Variants in APBB1IP observed in about 807,000 individuals in gnomAD.
APBB1IP encodes amyloid beta precursor protein binding family B member 1 interacting protein.
A neutral mutation model predicts 64.9 loss-of-function variants in APBB1IP; 27 were observed. That is an observed-to-expected ratio of 0.42 (90% confidence interval 0.31 to 0.57). APBB1IP has a LOEUF of 0.57. APBB1IP is among the 20% of genes least tolerant of loss of function. The pLI, the probability that APBB1IP is intolerant of heterozygous loss-of-function variation, is 0.20. For missense variants in APBB1IP, 812 were observed against 845.5 expected (o/e 0.96, Z 0.49); for synonymous variants, 392 against 331.0 (o/e 1.18, Z -2.00).
intron 2 of APBB1IP, among the ~76,000 whole-genome samples, chr10:26,472,091 G>A (rs1451152811): frequency 2.0e-5 from 3 of 152,126 alleles, no homozygotes; most frequent in African/African-American, 7.2e-5. Flanking sequence ...ACCAAGATGG[G>A]TGGGGGCTGC....
At chr10:26,550,574 C>G (rs959740615) in intron 11 of APBB1IP, among the ~76,000 whole-genome samples, 3 of 151,948 alleles carry the variant, frequency 2.0e-5, no homozygotes, top group African/African-American at 7.3e-5. Flanking sequence ...GTTTGTTATA[C>G]TTTTCAGCTC....
chr10:26,503,757 G>A (rs11015134), intron 6 of APBB1IP, among the ~76,000 whole-genome samples: 179 of 152,312 alleles, frequency 1.2e-3, no homozygotes, highest in African/African-American at 4.2e-3. Flanking sequence ...TATAACATCA[G>A]TTAGCTCACT....
Position 26,513,648 on chromosome 10 carries a change from TA to T in APBB1IP, c.806del (p.Asn269ThrfsTer22). 6.2e-7 allele frequency: 1 copy of T among 1,611,620 alleles called. No individual in the cohort carries two copies. The highest frequency in any genetic ancestry group is 1.1e-5 in the South Asian group (1 of 90,334). ...AGAAAGAGGAGAAATATGCTGTATT[TA>T]AAAACCCCCAGGTAAGATGATCTGC... is the stretch of plus-strand genomic sequence containing the variant. Reference protein sequence around the residue: ...LEKEEKYAVFKNPQNFYLDNR... With the variant: ...LEKEEKYAVFXNPQNFYLDNR... On this transcript the variant is annotated frameshift_variant, in exon 8 of 15. Transcript: ENST00000376236. LOFTEE classifies it high-confidence loss of function.
intron 14 of APBB1IP, 114 bp downstream of exon 14, chr10:26,562,543 T>A: frequency 1.2e-6 from 1 of 830,588 alleles, no homozygotes; most frequent in Non-Finnish European, 1.9e-6. Flanking sequence ...CTCACACCTG[T>A]AATCCCAGAA....
At chr10:26,493,310 C>T (rs1020979260) in intron 3 of APBB1IP, among the ~76,000 whole-genome samples, 10 of 151,932 alleles carry the variant, frequency 6.6e-5, no homozygotes, top group Non-Finnish European at 1.0e-4. Flanking sequence ...GGTCCTAAGG[C>T]GACATACATC....
At chr10:26,455,668 CTG>C (rs1835516926) in intron 2 of APBB1IP, among the ~76,000 whole-genome samples, 3 of 151,278 alleles carry the variant, frequency 2.0e-5, no homozygotes, top group African/African-American at 7.3e-5. Context: ...GCTGATTCAG[CTG>C]TTTAGAGTTT....
At chr10:26,557,985 G>C (rs1836915043) in intron 11 of APBB1IP, among the ~76,000 whole-genome samples, 1 of 152,074 alleles carries the variant, frequency 6.6e-6, no homozygotes, top group African/African-American at 2.4e-5. Flanking sequence ...CTCCTTTCCT[G>C]CCAACTGAAG....
chr10:26,497,247 A>G (rs1836036760), intron 4 of APBB1IP, among the ~76,000 whole-genome samples: 1 of 152,066 alleles, frequency 6.6e-6, no homozygotes, highest in African/African-American at 2.4e-5. Flanking sequence ...GCCACGTGCT[A>G]TTCATATTAT....
intron 2 of APBB1IP, among the ~76,000 whole-genome samples, chr10:26,460,385 C>A (rs560342693): frequency 6.6e-6 from 1 of 152,288 alleles, no homozygotes; most frequent in South Asian, 2.1e-4. Context: ...CTCACATTGA[C>A]TCCCCAGCAA....
intron 11 of APBB1IP, among the ~76,000 whole-genome samples, chr10:26,547,351 G>A (rs1304065873): frequency 6.6e-6 from 1 of 152,100 alleles, no homozygotes; most frequent in African/African-American, 2.4e-5. Flanking sequence ...TCTGTAGGTT[G>A]TCTCTTTACT....
intron 2 of APBB1IP, among the ~76,000 whole-genome samples, chr10:26,482,492 T>C (rs1835846590): frequency 6.6e-6 from 1 of 152,210 alleles, no homozygotes; most frequent in Non-Finnish European, 1.5e-5. Context: ...TCAATCACAC[T>C]GTACACAGGT....
intron 6 of APBB1IP, among the ~76,000 whole-genome samples, chr10:26,507,070 G>A (rs112167799): frequency 3.0e-4 from 46 of 152,270 alleles, no homozygotes; most frequent in African/African-American, 1.1e-3. Flanking sequence ...AGGAACTGAG[G>A]ACAGAGAGGC....
chr10:26,567,518 G>T lies in APBB1IP; in HGVS notation c.*30G>T. 6.5e-7 allele frequency: 1 copy of T among 1,532,862 alleles called. No homozygotes were observed. The highest frequency in any genetic ancestry group is 1.4e-5 in the African/African-American group (1 of 72,204). The allele number at this position is 1,532,862 out of a possible 1,614,324, so 95.0% of individuals were successfully genotyped here. On this transcript the variant is annotated 3_prime_UTR_variant, in exon 15 of 15. Coordinates refer to ENST00000376236, the MANE Select transcript of APBB1IP (RefSeq NM_019043.4). Reference sequence around the variant, plus strand: ...GGGCATGATGAGTGTTCCAGAGGGAGAAGCATCGCTGACCCCGAGCGCAGG... The same window carrying T: ...GGGCATGATGAGTGTTCCAGAGGGATAAGCATCGCTGACCCCGAGCGCAGG...
chr10:26,503,490 C>T (rs1236108816), intron 6 of APBB1IP, among the ~76,000 whole-genome samples: 1 of 152,002 alleles, frequency 6.6e-6, no homozygotes, highest in Non-Finnish European at 1.5e-5. Context: ...AAAAAATTAG[C>T]TGGGCGTGGT....
intron 2 of APBB1IP, among the ~76,000 whole-genome samples, chr10:26,490,508 C>T (rs1162660834): frequency 6.6e-6 from 1 of 152,078 alleles, no homozygotes; most frequent in Non-Finnish European, 1.5e-5. Context: ...GCCTGTAATT[C>T]CAGCTACTCA....
rs534648460 is a variant in APBB1IP at position 26,518,325 on chromosome 10, G to A, written c.813+4665G>A. Among the ~76,000 whole-genome samples the A allele has an allele frequency of 2.7e-5, 4 of 150,854 alleles. No homozygotes were observed. In the East Asian group the frequency reaches 7.7e-4, roughly 29 times the overall value. ...TGCAGTGACACAATCTCAGCTCACT[G>A]CAACCTCCACCTCCCTGGCTCAAGT... On this transcript the variant is annotated intron_variant, in intron 8 of 14. Transcript: ENST00000376236.
At chr10:26,542,789 T>A (rs1027725783) in intron 11 of APBB1IP, among the ~76,000 whole-genome samples, 2 of 151,588 alleles carry the variant, frequency 1.3e-5, no homozygotes, top group Non-Finnish European at 2.9e-5. Flanking sequence ...TTCCTAAGCA[T>A]CCACTTTTAA....
At position 26,469,461 on chromosome 10, in the gene APBB1IP, G is replaced by A. The variant is rs1045456653; in HGVS notation, c.1-22866G>A. ...AGACTGGGTTTCACCATGCTGGCCA[G>A]GCTGGTCTCAAACTCCCAACCTCAT... On this transcript the variant is annotated intron_variant, in intron 2 of 14. Transcript: ENST00000376236. 4.2e-4 allele frequency among the ~76,000 whole-genome samples: 64 copies of A among 151,800 alleles called. 2 individuals are homozygous for A.
intron 4 of APBB1IP, among the ~76,000 whole-genome samples, chr10:26,500,205 T>A (rs575203512): frequency 2.2e-5 from 3 of 138,166 alleles, no homozygotes; most frequent in Non-Finnish European, 3.1e-5. Flanking sequence ...ATTAAGACTC[T>A]GTCTCAAAAA....
Sources: allele counts gnomAD v4.1 joint callset (sites outside exome capture counted in the v4.1 genomes callset), GRCh38; gene constraint gnomAD v4.1.1; transcripts MANE v1.5; gene names NCBI Gene and HGNC (gene_info 2026-07-23, HGNC 2026-07-21).